ALKAL1: variants seen among roughly 807,000 people sequenced by gnomAD.
ALKAL1 encodes the protein ALK and LTK ligand 1, also known as AUG-beta.
A neutral mutation model predicts 13.5 loss-of-function variants in ALKAL1; 23 were observed. The observed-to-expected ratio is 1.70, with a 90% CI of 1.23 to 2.41. The LOEUF (loss-of-function observed/expected upper bound fraction) is 2.41. Among genes scored for constraint, ALKAL1 ranks in the 30% most tolerant of loss-of-function variants. The probability of loss-of-function intolerance (pLI) is 0.00; values close to 1 mark genes in which losing one functional copy is unlikely to be tolerated. For missense variants in ALKAL1, 181 were observed against 178.4 expected, an observed-to-expected ratio of 1.01 and a Z score of -0.08; for synonymous variants, 85 against 77.7, an observed-to-expected ratio of 1.09 and a Z score of -0.49.
At chr8:52,556,709 C>G (rs944267282) in intron 1 of ALKAL1, among the ~76,000 whole-genome samples, 3 of 122,376 alleles carry the variant, frequency 2.5e-5, no homozygotes, top group Non-Finnish European at 5.1e-5. Context: ...AGTAATGATA[C>G]AGTAACACAA....
At chr8:52,545,847 A>C (rs1847363668) in intron 1 of ALKAL1, among the ~76,000 whole-genome samples, 1 of 152,232 alleles carries the variant, frequency 6.6e-6, no homozygotes, top group Non-Finnish European at 1.5e-5. Flanking sequence ...TGTGCTGTTT[A>C]ATGATGGAAA....
At chr8:52,556,373 C>T (rs908653379) in intron 1 of ALKAL1, among the ~76,000 whole-genome samples, 19 of 152,102 alleles carry the variant, frequency 1.2e-4, no homozygotes, top group Admixed American at 5.2e-4. Flanking sequence ...ATAGGCCGGG[C>T]GCGGTGGCTC....
chr8:52,552,898 C>T (rs1045340203), intron 1 of ALKAL1, among the ~76,000 whole-genome samples: 3 of 152,180 alleles, frequency 2.0e-5, no homozygotes, highest in African/African-American at 7.2e-5. Flanking sequence ...GCATTAGAAA[C>T]CAAGATCAGG....
intron 1 of ALKAL1, among the ~76,000 whole-genome samples, chr8:52,562,744 A>G (rs2150348694): frequency 6.6e-6 from 1 of 150,544 alleles, no homozygotes; most frequent in South Asian, 2.1e-4. Flanking sequence ...GGTGCTTATT[A>G]CGTCACTACA....
chr8:52,557,580 G>T (rs1422308123), intron 1 of ALKAL1, among the ~76,000 whole-genome samples: 1 of 151,906 alleles, frequency 6.6e-6, no homozygotes, highest in African/African-American at 2.4e-5. Flanking sequence ...TTTTTTTAAC[G>T]GTTGGCTCAC....
chr8:52,545,540 C>T (rs186502567), intron 1 of ALKAL1, among the ~76,000 whole-genome samples: 2 of 151,668 alleles, frequency 1.3e-5, no homozygotes, highest in African/African-American at 2.4e-5. Context: ...CCCTCAAACC[C>T]GTTTCCCCTC....
Position 52,547,718 on chromosome 8 carries a change from C to T in ALKAL1, c.191-5273G>A, listed in dbSNP as rs1164264149. The stretch of plus-strand genomic sequence containing the variant: ...AATTTAATAATTTGGCCAGTCACAG[C>T]GGCTCACGCCTGTCATCCCAGCACT... On this transcript the variant is annotated intron_variant, in intron 1 of 4. Transcript: ENST00000358543. Among the ~76,000 whole-genome samples, 8 of 151,674 alleles carry T rather than the reference C, an allele frequency of 5.3e-5. 1 individual carries two copies. Among genetic ancestry groups the T allele is most frequent in the Middle Eastern group, 6.9e-3 (2 of 290 alleles).
Position 52,560,237 on chromosome 8 carries a change from A to G in ALKAL1, c.190+4830T>C, listed in dbSNP as rs755009886. 5.9e-5 allele frequency among the ~76,000 whole-genome samples: 9 copies of G among 152,322 alleles called. No homozygotes were observed. In the South Asian group the frequency reaches 1.7e-3, roughly 28 times the overall value. The stretch of plus-strand genomic sequence containing the variant: ...ACACATTTAATAAAATTTTAATTTT[A>G]TTAATATGTAAAAGACTACACATCT... On this transcript the variant is annotated intron_variant, in intron 1 of 4. Coordinates refer to ENST00000358543, the MANE Select transcript of ALKAL1 (RefSeq NM_207413.4).
intron 4 of ALKAL1, among the ~76,000 whole-genome samples, chr8:52,535,413 T>C (rs1030326575): frequency 2.0e-5 from 3 of 149,320 alleles, no homozygotes; most frequent in Non-Finnish European, 3.0e-5. Context: ...TAGATGAGCA[T>C]GGCAGCATGA....
At chr8:52,545,376 T>G (rs1847359102) in intron 1 of ALKAL1, among the ~76,000 whole-genome samples, 1 of 152,122 alleles carries the variant, frequency 6.6e-6, no homozygotes. Context: ...GCCCTATTGT[T>G]TATGTAAAAA....
intron 1 of ALKAL1, among the ~76,000 whole-genome samples, chr8:52,556,339 G>A (rs1248363705): frequency 6.6e-6 from 1 of 152,158 alleles, no homozygotes; most frequent in African/African-American, 2.4e-5. Context: ...AATGGAATAT[G>A]TATGGGTTTA....
intron 1 of ALKAL1, among the ~76,000 whole-genome samples, chr8:52,552,635 A>T (rs1340633338): frequency 1.3e-5 from 2 of 152,250 alleles, no homozygotes; most frequent in Non-Finnish European, 2.9e-5. Flanking sequence ...ATAATCTAAT[A>T]GTACTTTCTT....
intron 2 of ALKAL1, among the ~76,000 whole-genome samples, 160 bp from the exon 3 acceptor site, chr8:52,540,071 G>A (rs1233058613): frequency 6.6e-6 from 1 of 152,154 alleles, no homozygotes; most frequent in Non-Finnish European, 1.5e-5. Flanking sequence ...AGGCTCTGTG[G>A]GAGGTAGAGT....
At chr8:52,542,208 C>A (rs1179371688) in intron 2 of ALKAL1, among the ~76,000 whole-genome samples, 184 bp downstream of exon 2, 1 of 152,198 alleles carries the variant, frequency 6.6e-6, no homozygotes, top group African/African-American at 2.4e-5. Flanking sequence ...GCTCATACTT[C>A]TATTACTTAT....
In ALKAL1 at chr8:52,542,454, A is replaced by T; in HGVS notation, c.191-9T>A. The T allele has an allele frequency of 7.2e-7, 1 of 1,380,376 alleles. No homozygotes were observed. Among genetic ancestry groups the T allele is most frequent in the Non-Finnish European group, 1.0e-6 (1 of 1,004,936 alleles). The allele number at this position is 1,380,376 out of a possible 1,614,324, so 85.5% of individuals were successfully genotyped here. Reference sequence around the variant, plus strand: ...GTCTCTTGGGAATATTTCTGAAAAGAAAAAAAAAACCATCAGAATTTATTG... The same window carrying T: ...GTCTCTTGGGAATATTTCTGAAAAGTAAAAAAAAACCATCAGAATTTATTG... On this transcript the variant is annotated splice_polypyrimidine_tract_variant and intron_variant, in intron 1 of 4. Transcript: ENST00000358543.
chr8:52,558,531 ATGTCCCTGCCC>A (rs1457405489), intron 1 of ALKAL1, among the ~76,000 whole-genome samples: 2 of 151,914 alleles, frequency 1.3e-5, no homozygotes, highest in African/African-American at 2.4e-5. Context: ...CTCTCTTGCC[ATGTCCCTGCCC>A]TGTCCCTCAG....
At chr8:52,549,680 G>A (rs573600819) in intron 1 of ALKAL1, among the ~76,000 whole-genome samples, 1 of 152,218 alleles carries the variant, frequency 6.6e-6, no homozygotes, top group South Asian at 2.1e-4. Context: ...GGTGTCTCAT[G>A]TCTGTAATCT....
In ALKAL1 at chr8:52,543,000, C is replaced by T. The variant is rs144041376; in HGVS notation, c.191-555G>A. ...TTCTCCTCCCCATAATCTTCTTTCT[C>T]CCCAGTAGCCAGAACAAACAAACAG... is the stretch of plus-strand genomic sequence containing the variant. On this transcript the variant is annotated intron_variant, in intron 1 of 4. Transcript: ENST00000358543. Among the ~76,000 whole-genome samples, 215 of 152,304 alleles carry T rather than the reference C, an allele frequency of 1.4e-3. 1 individual carries two copies. Among genetic ancestry groups the T allele is most frequent in the Admixed American group, 6.9e-3 (105 of 15,288 alleles).
intron 1 of ALKAL1, among the ~76,000 whole-genome samples, chr8:52,553,331 G>T (rs562022584): frequency 6.6e-6 from 1 of 152,138 alleles, no homozygotes; most frequent in Non-Finnish European, 1.5e-5. Flanking sequence ...CTTGGTGACA[G>T]AGTGATACTC....
Sources: allele counts gnomAD v4.1 joint callset (sites outside exome capture counted in the v4.1 genomes callset), GRCh38; gene constraint gnomAD v4.1.1; transcripts MANE v1.5; gene names NCBI Gene and HGNC (gene_info 2026-07-23, HGNC 2026-07-21).